The following PDCD6IP variants were observed in gnomAD, a reference collection of about 807,000 sequenced individuals.
PDCD6IP encodes programmed cell death 6 interacting protein, also known as programmed cell death 6-interacting protein.
In PDCD6IP, 43 loss-of-function variants were observed where a neutral mutation model predicts 103.7. That is an observed-to-expected ratio of 0.41 (90% CI 0.32 to 0.53). The LOEUF (loss-of-function observed/expected upper bound fraction) is 0.53. Ranked by LOEUF, PDCD6IP falls within the 20% of genes least tolerant of loss-of-function variation. PDCD6IP has a pLI of 0.16. For synonymous variants in PDCD6IP, 354 were observed against 378.7 expected (o/e 0.93, Z 0.76); for missense variants, 871 against 1,036.7 (o/e 0.84, Z 2.20).
At chr3:33,825,615 A>G (rs1697103481) in intron 5 of PDCD6IP, among the ~76,000 whole-genome samples, 1 of 152,236 alleles carries the variant, frequency 6.6e-6, no homozygotes, top group African/African-American at 2.4e-5. Context: ...TTAACATGTC[A>G]GACATTTATT....
At chr3:33,841,433 CTTTT>C (rs1301369045) in intron 9 of PDCD6IP, among the ~76,000 whole-genome samples, 2 of 60,946 alleles carry the variant, frequency 3.3e-5, no homozygotes, top group South Asian at 6.7e-4. Flanking sequence ...CTTTGCTTTG[CTTTT>C]TTTTTTTTTT....
At position 33,838,220 on chromosome 3, in the gene PDCD6IP, G is replaced by A. The variant is rs1456095474; in HGVS notation, c.1074G>A (p.Met358Ile). The change falls in exon 9 of 18, where the codon ATG becomes ATA. Residue 358 changes from methionine to isoleucine, a missense_variant. By Grantham distance (10) the Met-to-Ile change is conservative (BLOSUM62 1). Coordinates refer to ENST00000307296, the MANE Select transcript of PDCD6IP (RefSeq NM_013374.6). ...SQKFTDLFEK[M>I]VPVSVQQSLA... ...TAATTTTAGATCTGTTTGAGAAGAT[G>A]GTTCCCGTGTCAGTACAGCAGTCTT... is the stretch of plus-strand genomic sequence containing the variant. The A allele has an allele frequency of 2.0e-5, 32 of 1,613,256 alleles. No individual in the cohort carries two copies. The highest frequency in any genetic ancestry group is 2.7e-5 in the Non-Finnish European group (32 of 1,179,672).
rs1697776116 is a variant in PDCD6IP at position 33,854,000 on chromosome 3, A to C, written c.2012A>C (p.Lys671Thr). 6.3e-7 allele frequency: 1 copy of C among 1,583,256 alleles called. No individual in the cohort carries two copies. The highest frequency in any genetic ancestry group is 1.9e-5 in the Admixed American group (1 of 52,782). The change falls in exon 14 of 18, where the codon AAG becomes ACG. Residue 671 changes from lysine to threonine, a missense_variant. By Grantham distance (78) the Lys-to-Thr change is moderately conservative (BLOSUM62 -1). Around this residue, in one of 5 missense-constraint regions of PDCD6IP, gnomAD observed 266 missense variants for 390.5 expected, o/e 0.68. Coordinates refer to ENST00000307296, the MANE Select transcript of PDCD6IP (RefSeq NM_013374.6). ...TTTGTTGAACTTGTAGCTAATTTGA[A>C]GGAAGGCACAAAGGTATGAAGTACA... ...DNFVELVANL[K>T]EGTKFYNELT...
At chr3:33,813,331 T>G (rs760837064) in intron 2 of PDCD6IP, 2 of 406,926 alleles carry the variant, frequency 4.9e-6, no homozygotes, top group Non-Finnish European at 8.7e-6. Context: ...AAGATAGTGT[T>G]TATGATTACC....
intron 15 of PDCD6IP, 172 bp downstream of exon 15, chr3:33,855,432 G>A: frequency 2.3e-6 from 1 of 437,374 alleles, no homozygotes. Context: ...GCATAATCTG[G>A]GAATGAAAGG....
At chr3:33,803,776 C>T (rs1696530723) in intron 1 of PDCD6IP, among the ~76,000 whole-genome samples, 1 of 152,070 alleles carries the variant, frequency 6.6e-6, no homozygotes, top group Non-Finnish European at 1.5e-5. Context: ...GGTTGGTTTT[C>T]TGCCCTTGTC....
intron 1 of PDCD6IP, among the ~76,000 whole-genome samples, chr3:33,809,846 C>G (rs1696678224): frequency 6.6e-6 from 1 of 152,116 alleles, no homozygotes; most frequent in Admixed American, 6.5e-5. Flanking sequence ...TAGAATTTTC[C>G]TCAATAAAGG....
intron 3 of PDCD6IP, among the ~76,000 whole-genome samples, chr3:33,819,101 A>G (rs879676253): frequency 7.9e-5 from 12 of 151,770 alleles, no homozygotes; most frequent in Non-Finnish European, 1.5e-4. Flanking sequence ...TCTTTGGAAT[A>G]CTTTATTAGA....
At chr3:33,815,550 G>A (rs977800377) in intron 3 of PDCD6IP, among the ~76,000 whole-genome samples, 25 of 152,156 alleles carry the variant, frequency 1.6e-4, no homozygotes, top group African/African-American at 5.8e-4. Flanking sequence ...GGACTAGAGA[G>A]AAACAGACCA....
rs781402982 is a variant in PDCD6IP, at chr3:33,865,410, C to T, written c.2412C>T (p.Pro804=). 1.3e-6 allele frequency: 2 copies of T among 1,594,634 alleles called. No individual in the cohort carries two copies. The highest frequency in any genetic ancestry group is 8.5e-7 in the Non-Finnish European group (1 of 1,171,974). Reference sequence around the variant, plus strand: ...CACAGGCGCAGGGACCACCCTATCCCACCTATCCAGGATATCCTGGGTAAG... The same window carrying T: ...CACAGGCGCAGGGACCACCCTATCCTACCTATCCAGGATATCCTGGGTAAG... ...PPPQAQGPPY[P]TYPGYPGYCQ... The change falls in exon 17 of 18, where the codon CCC becomes CCT. Residue 804 remains proline (P), a synonymous_variant. Coordinates refer to ENST00000307296, the MANE Select transcript of PDCD6IP (RefSeq NM_013374.6).
chr3:33,866,572 T>C lies in PDCD6IP; in HGVS notation c.*47T>C. 6 of 1,451,752 alleles carry C rather than the reference T, an allele frequency of 4.1e-6. No homozygotes were observed. Among genetic ancestry groups the C allele is most frequent in the Non-Finnish European group, 4.7e-6 (5 of 1,070,374 alleles). 89.9% of individuals were successfully genotyped at this position (1,451,752 alleles called of 1,614,324 possible). On this transcript the variant is annotated 3_prime_UTR_variant, in exon 18 of 18. Coordinates refer to ENST00000307296, the MANE Select transcript of PDCD6IP (RefSeq NM_013374.6). ...CTGATTCAGATCAGAGGGAAAGAAA[T>C]ACCAACCCTGCAATAAGTGTACTAA...
intron 12 of PDCD6IP, among the ~76,000 whole-genome samples, chr3:33,847,808 A>G (rs1165796211): frequency 6.6e-6 from 1 of 152,168 alleles, no homozygotes. Flanking sequence ...TTGGTTGCCT[A>G]TGATGTACTG....
intron 1 of PDCD6IP, among the ~76,000 whole-genome samples, chr3:33,805,374 T>G (rs7627520): frequency 0.024 from 3,577 of 151,774 alleles, 138 homozygotes; most frequent in African/African-American, 0.082. Context: ...AAAAAAATTT[T>G]TTTTTCCTTT....
chr3:33,852,481 T>A lies in PDCD6IP; in HGVS notation c.1642-7T>A. On this transcript the variant is annotated splice_polypyrimidine_tract_variant and splice_region_variant and intron_variant, in intron 12 of 17. Coordinates refer to ENST00000307296, the MANE Select transcript of PDCD6IP (RefSeq NM_013374.6). ...TGCAGTTAAACTAAGGTGTCTTTTT[T>A]GTTTAGGTTGTAAATGTCTTAAAAT... is the stretch of plus-strand genomic sequence containing the variant. 1 of 1,538,470 alleles carries A rather than the reference T, an allele frequency of 6.5e-7. No individual in the cohort carries two copies. The highest frequency in any genetic ancestry group is 8.7e-7 in the Non-Finnish European group (1 of 1,144,632).
chr3:33,853,801 G>T, intron 13 of PDCD6IP, 78 bp from the exon 14 acceptor site: 2 of 1,158,238 alleles, frequency 1.7e-6, no homozygotes, highest in Non-Finnish European at 2.3e-6. Flanking sequence ...TTCATAATTG[G>T]AAAAGATCAA....
At chr3:33,852,017 TG>T (rs1360408395) in intron 12 of PDCD6IP, among the ~76,000 whole-genome samples, 1 of 152,160 alleles carries the variant, frequency 6.6e-6, no homozygotes, top group Non-Finnish European at 1.5e-5. Flanking sequence ...CAGCCATGAT[TG>T]GGAGGGAGTA....
intron 2 of PDCD6IP, among the ~76,000 whole-genome samples, chr3:33,812,866 T>C (rs1169455677): frequency 6.6e-6 from 1 of 152,148 alleles, no homozygotes; most frequent in African/African-American, 2.4e-5. Context: ...GTTCATTCTC[T>C]TTATTCTCTT....
chr3:33,822,249 G>A (rs1697009569), intron 4 of PDCD6IP, among the ~76,000 whole-genome samples, 167 bp downstream of exon 4: 2 of 152,186 alleles, frequency 1.3e-5, no homozygotes, highest in South Asian at 4.1e-4. Context: ...TAGATAAACT[G>A]TCTATAGACC....
chr3:33,858,969 GAAAC>G (rs1437459971), intron 15 of PDCD6IP, among the ~76,000 whole-genome samples: 1 of 152,030 alleles, frequency 6.6e-6, no homozygotes, highest in Non-Finnish European at 1.5e-5. Context: ...AGTAGAAAAA[GAAAC>G]AAGGTCAGCC....
Sources: allele counts gnomAD v4.1 joint callset (sites outside exome capture counted in the v4.1 genomes callset), GRCh38; gene constraint gnomAD v4.1.1; regional missense constraint gnomAD v4.1.1; transcripts MANE v1.5; gene names NCBI Gene and HGNC (gene_info 2026-07-23, HGNC 2026-07-21).